Variants in NCEH1 observed in about 807,000 individuals in gnomAD.
The protein encoded by NCEH1 is neutral cholesterol ester hydrolase 1.
NCEH1 carries 9 observed loss-of-function variants against 25.4 expected under a neutral mutation model. The ratio of observed to expected loss-of-function variants is 0.35; its 90% CI spans 0.21 to 0.62. The LOEUF (loss-of-function observed/expected upper bound fraction) is 0.62, where lower values mean the gene tolerates loss of function less well. Ranked by LOEUF, NCEH1 falls within the 20% of genes least tolerant of loss-of-function variation. The pLI, the probability that NCEH1 is intolerant of heterozygous loss-of-function variation, is 0.72. For missense variants in NCEH1, 412 were observed against 501.1 expected, an observed-to-expected ratio of 0.82 and a Z score of 1.70; for synonymous variants, 200 against 199.8, an observed-to-expected ratio of 1.00 and a Z score of -0.01.
At chr3:172,687,870 T>C (rs1299190777) in intron 1 of NCEH1, among the ~76,000 whole-genome samples, 1 of 152,254 alleles carries the variant, frequency 6.6e-6, no homozygotes, top group Non-Finnish European at 1.5e-5. Flanking sequence ...TTTGAAAGTT[T>C]GATCACATCG....
intron 1 of NCEH1, among the ~76,000 whole-genome samples, chr3:172,683,704 T>C (rs1252199052): frequency 1.3e-5 from 2 of 152,038 alleles, no homozygotes; most frequent in Non-Finnish European, 2.9e-5. Context: ...TAGTTAAGGA[T>C]CAATCAGACT....
intron 1 of NCEH1, among the ~76,000 whole-genome samples, chr3:172,689,082 G>T (rs540507444): frequency 8.5e-5 from 13 of 152,056 alleles, no homozygotes; most frequent in Non-Finnish European, 1.6e-4. Flanking sequence ...TACCCTTAGC[G>T]GGGACAAATG....
intron 1 of NCEH1, among the ~76,000 whole-genome samples, chr3:172,673,273 C>T (rs9871626): frequency 0.05 from 7,614 of 152,190 alleles, 654 homozygotes; most frequent in African/African-American, 0.17. Context: ...CCTAGTTAAC[C>T]CTAGGAAATA....
intron 1 of NCEH1, among the ~76,000 whole-genome samples, chr3:172,703,779 T>C (rs1423735715): frequency 6.6e-6 from 1 of 152,176 alleles, no homozygotes; most frequent in Non-Finnish European, 1.5e-5. Context: ...TTGGGCATTA[T>C]CTTACACACC....
At chr3:172,706,646 G>A (rs1429348792) in intron 1 of NCEH1, among the ~76,000 whole-genome samples, 3 of 151,624 alleles carry the variant, frequency 2.0e-5, no homozygotes, top group African/African-American at 7.3e-5. Flanking sequence ...TTACAGGCGC[G>A]CACCACTGCA....
At chr3:172,707,904 T>C (rs905872180) in intron 1 of NCEH1, among the ~76,000 whole-genome samples, 2 of 152,234 alleles carry the variant, frequency 1.3e-5, no homozygotes, top group Non-Finnish European at 2.9e-5. Flanking sequence ...TCTTAAACAC[T>C]GCTAAGAACG....
intron 1 of NCEH1, among the ~76,000 whole-genome samples, chr3:172,657,755 T>G (rs896133148): frequency 6.6e-6 from 1 of 152,218 alleles, no homozygotes; most frequent in Non-Finnish European, 1.5e-5. Flanking sequence ...CTGGTCCCAC[T>G]CTACATTGGA....
At chr3:172,691,242 TC>T (rs767363829) in intron 1 of NCEH1, among the ~76,000 whole-genome samples, 17 of 152,308 alleles carry the variant, frequency 1.1e-4, no homozygotes, top group Non-Finnish European at 2.1e-4. Flanking sequence ...ATGTCAGACA[TC>T]CCTTCCTCTA....
intron 1 of NCEH1, among the ~76,000 whole-genome samples, chr3:172,690,332 T>G (rs1176391097): frequency 6.6e-6 from 1 of 152,204 alleles, no homozygotes; most frequent in Non-Finnish European, 1.5e-5. Context: ...ATTGAAGGAA[T>G]GAACAAGAAT....
intron 1 of NCEH1, among the ~76,000 whole-genome samples, chr3:172,658,090 C>A (rs2108503951): frequency 6.6e-6 from 1 of 152,254 alleles, no homozygotes; most frequent in Admixed American, 6.5e-5. Context: ...TCATAGAGAC[C>A]TTGCTGATAA....
In NCEH1 at chr3:172,673,290, C is replaced by T. The variant is rs188843876; in HGVS notation, c.139-25176G>A. Among the ~76,000 whole-genome samples, 8 of 152,306 alleles carry T rather than the reference C, an allele frequency of 5.3e-5. No homozygotes were observed. The East Asian group carries it at 1.4e-3, about 26-fold the overall frequency. ...TAGTTAACCCTAGGAAATAATTTAA[C>T]TGTTTACACCCCACATAATGTGGCA... On this transcript the variant is annotated intron_variant, in intron 1 of 4. Coordinates refer to ENST00000475381, the MANE Select transcript of NCEH1 (RefSeq NM_020792.6).
intron 1 of NCEH1, among the ~76,000 whole-genome samples, chr3:172,650,375 G>A (rs1237574462): frequency 1.3e-5 from 2 of 152,052 alleles, no homozygotes; most frequent in African/African-American, 4.8e-5. Flanking sequence ...CGGGTGCGGT[G>A]GCTCACGCCT....
chr3:172,652,593 G>A (rs1717452982), intron 1 of NCEH1, among the ~76,000 whole-genome samples: 1 of 152,176 alleles, frequency 6.6e-6, no homozygotes, highest in African/African-American at 2.4e-5. Context: ...CCTACCTAAA[G>A]GATGAAGGCT....
rs557051614 is a variant in NCEH1 at position 172,682,625 on chromosome 3, C to T, written c.138+28222G>A. ...CAGGCCTCCCCACTGCAGAACAATG[C>T]TTTAGTGAAGAAGGATGTATAACGT... On this transcript the variant is annotated intron_variant, in intron 1 of 4. Coordinates refer to ENST00000475381, the MANE Select transcript of NCEH1 (RefSeq NM_020792.6). Among the ~76,000 whole-genome samples, 4 of 152,318 alleles carry T rather than the reference C, an allele frequency of 2.6e-5. No individual in the cohort carries two copies. The East Asian group carries it at 7.7e-4, about 29-fold the overall frequency.
chr3:172,708,653 G>C (rs920907142), intron 1 of NCEH1, among the ~76,000 whole-genome samples: 1 of 152,182 alleles, frequency 6.6e-6, no homozygotes, highest in Non-Finnish European at 1.5e-5. Flanking sequence ...ACCGCCCCAG[G>C]CCATGACACC....
At chr3:172,643,230 G>A (rs1620438) in intron 3 of NCEH1, among the ~76,000 whole-genome samples, 22 of 152,176 alleles carry the variant, frequency 1.4e-4, no homozygotes, top group African/African-American at 4.6e-4. Context: ...ATGAGCCACC[G>A]CGCCTGGCCT....
intron 1 of NCEH1, among the ~76,000 whole-genome samples, chr3:172,650,605 C>T (rs1399873380): frequency 4.0e-5 from 6 of 149,114 alleles, no homozygotes; most frequent in African/African-American, 9.9e-5. Flanking sequence ...GCTGAGACTA[C>T]GCCACTGCAC....
chr3:172,705,710 T>C (rs1713941798), intron 1 of NCEH1, among the ~76,000 whole-genome samples: 1 of 151,970 alleles, frequency 6.6e-6, no homozygotes, highest in African/African-American at 2.4e-5. Flanking sequence ...TAAAACCCTA[T>C]TTTTGGCTGG....
In NCEH1 at chr3:172,630,508, C is replaced by T. The variant is rs745360094; in HGVS notation, c.*2967G>A. 1 of 152,234 alleles carries T rather than the reference C, an allele frequency of 6.6e-6. No homozygotes were observed. Among genetic ancestry groups the T allele is most frequent in the Non-Finnish European group, 1.5e-5 (1 of 68,066 alleles). 9.4% of individuals were successfully genotyped at this position (152,234 alleles called of 1,614,324 possible). On this transcript the variant is annotated 3_prime_UTR_variant, in exon 5 of 5. Coordinates refer to ENST00000475381, the MANE Select transcript of NCEH1 (RefSeq NM_020792.6). ...TGTCATCAAGGAGGCCACTGAACCACCTCTCTAAAGGAAAGACAGCTGGAG... is the reference window on the plus strand; with the variant it reads ...TGTCATCAAGGAGGCCACTGAACCATCTCTCTAAAGGAAAGACAGCTGGAG...
Sources: allele counts gnomAD v4.1 joint callset (sites outside exome capture counted in the v4.1 genomes callset), GRCh38; gene constraint gnomAD v4.1.1; transcripts MANE v1.5; gene names NCBI Gene and HGNC (gene_info 2026-07-23, HGNC 2026-07-21).